KLHL40: variants seen among roughly 807,000 people sequenced by gnomAD.
KLHL40 encodes kelch like family member 40, also known as kelch-like protein 40.
Under a neutral mutation model 49.7 loss-of-function variants are expected in KLHL40, and 44 were observed. The observed-to-expected ratio is 0.89, with a 90% CI of 0.70 to 1.14. The LOEUF (loss-of-function observed/expected upper bound fraction) is 1.14, where lower values mean the gene tolerates loss of function less well. Among genes scored for constraint, KLHL40 ranks in the 50% most tolerant of loss-of-function variants. The pLI is 0.00. For synonymous variants in KLHL40, 409 were observed against 365.2 expected (o/e 1.12, Z -1.37); for missense variants, 892 against 850.3 (o/e 1.05, Z -0.61).
Position 42,692,097 on chromosome 3 carries a change from C to T in KLHL40, c.*104C>T. The T allele has an allele frequency of 1.4e-6, 1 of 730,138 alleles. No homozygotes were observed. The highest frequency in any genetic ancestry group is 2.5e-6 in the Non-Finnish European group (1 of 404,906). 45.2% of individuals were successfully genotyped at this position (730,138 alleles called of 1,614,324 possible). ...AGAGGCTAGGAGAGGCCAGAGTCTA[C>T]CTGGATCCAGTTATGGTGCCTCAGG... On this transcript the variant is annotated 3_prime_UTR_variant, in exon 6 of 6. Coordinates refer to ENST00000287777, the MANE Select transcript of KLHL40 (RefSeq NM_152393.4).
Position 42,688,017 on chromosome 3 carries a change from C to T in KLHL40, c.1153-125C>T. 3 of 1,087,012 alleles carry T rather than the reference C, an allele frequency of 2.8e-6. No individual in the cohort carries two copies. The highest frequency in any genetic ancestry group is 2.5e-5 in the East Asian group (1 of 40,108). 67.3% of individuals were successfully genotyped at this position (1,087,012 alleles called of 1,614,324 possible). A position where few individuals can be genotyped will look rare whatever the true frequency, so the allele number is the denominator to read the frequency against. On this transcript the variant is annotated intron_variant, in intron 1 of 5. Transcript: ENST00000287777. The surrounding 1 kb of genome is among the most constrained non-coding windows in gnomAD (Gnocchi z 4.2). ...AGGGGCACTGTTTCTCAGGGCACCTCCAGGCTGTATTGGCCCTACCTGGGT... is the reference window on the plus strand; with the variant it reads ...AGGGGCACTGTTTCTCAGGGCACCTTCAGGCTGTATTGGCCCTACCTGGGT...
Position 42,688,247 on chromosome 3 carries a change from A to G in KLHL40, c.1258A>G (p.Arg420Gly), listed in dbSNP as rs1026032043. The G allele has an allele frequency of 6.2e-7, 1 of 1,614,000 alleles. No homozygotes were observed. Among genetic ancestry groups the G allele is most frequent in the East Asian group, 2.2e-5 (1 of 44,864 alleles). Reference protein sequence around the residue: ...ALNSIYVVGGREIKDGERCLD... With the variant: ...ALNSIYVVGGGEIKDGERCLD... ...CAACTCCATCTACGTGGTCGGTGGC[A>G]GAGAGATCAAGGACGGCGAGCGCTG... is the stretch of plus-strand genomic sequence containing the variant. Residue 420 changes from arginine to glycine, a missense_variant, in exon 2 of 6, where the codon AGA becomes GGA. Arg to Gly is a moderately radical substitution (Grantham distance 125). Transcript: ENST00000287777. This position sits in a 1 kb window ranked among gnomAD's most constrained non-coding sequence, Gnocchi z 4.2.
intron 4 of KLHL40, among the ~76,000 whole-genome samples, chr3:42,690,339 G>A (rs747642088): frequency 1.1e-3 from 160 of 152,336 alleles, no homozygotes; most frequent in African/African-American, 1.1e-3. Context: ...ACCTCAGTGC[G>A]TGTGCAGTGA....
Position 42,688,914 on chromosome 3 carries a change from G to A in KLHL40, c.1467G>A (p.Glu489=), listed in dbSNP as rs145033040. 2.5e-6 allele frequency: 4 copies of A among 1,614,070 alleles called. No individual in the cohort carries two copies. In the African/African-American group the frequency reaches 5.3e-5, roughly 22 times the overall value. ...GCGTCTATGACCCCAAGAAGTTTGAGTGGAAGGAGCTGGCACCCATGCAGA... is the reference window on the plus strand; with the variant it reads ...GCGTCTATGACCCCAAGAAGTTTGAATGGAAGGAGCTGGCACCCATGCAGA... ...KMCVYDPKKF[E]WKELAPMQTA... is the part of the protein sequence containing the mutation. Residue 489 remains glutamate (E), a synonymous_variant, in exon 4 of 6, where the codon GAG becomes GAA. Coordinates refer to ENST00000287777, the MANE Select transcript of KLHL40 (RefSeq NM_152393.4). This position sits in a 1 kb window ranked among gnomAD's most constrained non-coding sequence, Gnocchi z 4.2.
chr3:42,692,196 T>G lies in KLHL40; in HGVS notation c.*203T>G. 1.8e-6 allele frequency: 1 copy of G among 563,778 alleles called. No homozygotes were observed. The allele number at this position is 563,778 out of a possible 1,614,324, so 34.9% of individuals were successfully genotyped here. On this transcript the variant is annotated 3_prime_UTR_variant, in exon 6 of 6. Transcript: ENST00000287777. ...GGGCAAGGGTGAGAAACTAGAGGCTTCTCCAGTGTTGCCATATCCCCCTAG... is the reference window on the plus strand; with the variant it reads ...GGGCAAGGGTGAGAAACTAGAGGCTGCTCCAGTGTTGCCATATCCCCCTAG...
chr3:42,685,718 G>A lies in KLHL40; in HGVS notation c.100G>A (p.Asp34Asn), dbSNP rs778565563. The change falls in exon 1 of 6, where the codon GAC (aspartate) becomes AAC (asparagine). Residue 34 changes from aspartate to asparagine, a missense_variant. By Grantham distance (23) the Asp-to-Asn change is conservative (BLOSUM62 1). Coordinates refer to ENST00000287777, the MANE Select transcript of KLHL40 (RefSeq NM_152393.4). ...KDMLDHGKFLDCVVRAGEREF... is the reference protein window; with the variant it reads ...KDMLDHGKFLNCVVRAGEREF... The stretch of plus-strand genomic sequence containing the variant: ...CATGCTGGACCATGGCAAGTTCCTC[G>A]ACTGTGTGGTGCGGGCGGGCGAGCG... 6.2e-7 allele frequency: 1 copy of A among 1,613,164 alleles called. No individual in the cohort carries two copies. Among genetic ancestry groups the A allele is most frequent in the South Asian group, 1.1e-5 (1 of 91,076 alleles).
rs1018524721 is a variant in KLHL40 at position 42,690,885 on chromosome 3, A to T, written c.1634A>T (p.Gln545Leu). The T allele has an allele frequency of 1.9e-6, 3 of 1,612,434 alleles. No individual in the cohort carries two copies. Among genetic ancestry groups the T allele is most frequent in the Non-Finnish European group, 2.5e-6 (3 of 1,179,204 alleles). The change falls in exon 5 of 6, where the codon CAG becomes CTG. Residue 545 changes from glutamine (Q) to leucine (L), a missense_variant. Gln to Leu is a moderately radical substitution (Grantham distance 113). Transcript: ENST00000287777. Reference protein sequence around the residue: ...NKWAPFEAFPQERSSLSLVSL... With the variant: ...NKWAPFEAFPLERSSLSLVSL... The stretch of plus-strand genomic sequence containing the variant: ...TGGGCACCCTTCGAGGCCTTCCCAC[A>T]GGAGCGTAGCTCACTCAGCCTGGTC...
In KLHL40 at chr3:42,685,579, A is replaced by G; in HGVS notation, c.-40A>G. 2 of 1,521,610 alleles carry G rather than the reference A, an allele frequency of 1.3e-6. No homozygotes were observed. The highest frequency in any genetic ancestry group is 2.5e-5 in the South Asian group (2 of 78,698). The allele number at this position is 1,521,610 out of a possible 1,614,324, so 94.3% of individuals were successfully genotyped here. A position where few individuals can be genotyped will look rare whatever the true frequency, so the allele number is the denominator to read the frequency against. ...GCAGGAAAGCAGGGGTACAGAGAGG[A>G]GCCCCCTTGGCACCGCCACCGCACC... On this transcript the variant is annotated 5_prime_UTR_variant, in exon 1 of 6. Coordinates refer to ENST00000287777, the MANE Select transcript of KLHL40 (RefSeq NM_152393.4).
At chr3:42,691,604 G>C (rs866292702) in intron 5 of KLHL40, among the ~76,000 whole-genome samples, 12 of 152,076 alleles carry the variant, frequency 7.9e-5, no homozygotes, top group African/African-American at 2.4e-4. Context: ...GGTGGTGTGG[G>C]CAGTGTAGAC....
intron 5 of KLHL40, 96 bp from the exon 6 acceptor site, chr3:42,691,786 G>A: frequency 3.9e-6 from 3 of 778,778 alleles, no homozygotes; most frequent in South Asian, 2.9e-5. Flanking sequence ...CCTAGAGATG[G>A]GCCAAGTGCC....
intron 4 of KLHL40, 97 bp downstream of exon 4, chr3:42,689,151 G>A (rs1377462497): frequency 2.8e-6 from 3 of 1,058,846 alleles, no homozygotes; most frequent in Non-Finnish European, 4.1e-6. Context: ...GGTCTCCAGT[G>A]TTGACTTTGG....
Position 42,688,101 on chromosome 3 carries a change from G to A in KLHL40, c.1153-41G>A. On this transcript the variant is annotated intron_variant, in intron 1 of 5. Transcript: ENST00000287777. This position sits in a 1 kb window ranked among gnomAD's most constrained non-coding sequence, Gnocchi z 4.2. ...CTGAGTGGGGCTGGGCTGAGGCTGGGGGAGTGGGGGGCGGTAGCTGACTGG... is the reference window on the plus strand; with the variant it reads ...CTGAGTGGGGCTGGGCTGAGGCTGGAGGAGTGGGGGGCGGTAGCTGACTGG... 1 of 1,612,922 alleles carries A rather than the reference G, an allele frequency of 6.2e-7. No homozygotes were observed. Among genetic ancestry groups the A allele is most frequent in the Non-Finnish European group, 8.5e-7 (1 of 1,179,618 alleles).
chr3:42,686,210 G>A lies in KLHL40; in HGVS notation c.592G>A (p.Val198Met). 6.4e-7 allele frequency: 1 copy of A among 1,566,770 alleles called. No homozygotes were observed. The highest frequency in any genetic ancestry group is 8.6e-7 in the Non-Finnish European group (1 of 1,159,426). The change falls in exon 1 of 6, where the codon GTG (valine) becomes ATG (methionine). Residue 198 changes from valine to methionine, a missense_variant. Transcript: ENST00000287777. ...VEKEEAVFEA[V>M]MRWAGSGDAE... is the part of the protein sequence containing the mutation. ...GAAGGAGGAGGCAGTGTTCGAGGCG[G>A]TGATGCGGTGGGCGGGTAGCGGCGA... is the stretch of plus-strand genomic sequence containing the variant.
chr3:42,689,170 A>G lies in KLHL40; in HGVS notation c.1607+116A>G, dbSNP rs980066369. ...TCCAGTGTTGACTTTGGACATCAGTATAGAAATAGGCTTTCTCTCCTGATC... is the reference window on the plus strand; with the variant it reads ...TCCAGTGTTGACTTTGGACATCAGTGTAGAAATAGGCTTTCTCTCCTGATC... On this transcript the variant is annotated intron_variant, in intron 4 of 5. Transcript: ENST00000287777. 5 of 888,682 alleles carry G rather than the reference A, an allele frequency of 5.6e-6. No homozygotes were observed. In the African/African-American group the frequency reaches 6.8e-5, roughly 12 times the overall value. The allele number at this position is 888,682 out of a possible 1,614,324, so 55.0% of individuals were successfully genotyped here.
In KLHL40 at chr3:42,689,033, T is replaced by C. The variant is rs374599890; in HGVS notation, c.1586T>C (p.Val529Ala). ...ACAGGGCTGACCAGTTCTGCCGAAG[T>C]GTACAGCATCACAGACAACAAGTAT... The part of the protein sequence containing the change: ...TDTGLTSSAE[V>A]YSITDNKWAP... The change falls in exon 4 of 6, where the codon GTG (valine) becomes GCG (alanine). Residue 529 changes from valine (V) to alanine (A), a missense_variant. By Grantham distance (64) the Val-to-Ala change is moderately conservative (BLOSUM62 0). Transcript: ENST00000287777. 20 of 1,613,234 alleles carry C rather than the reference T, an allele frequency of 1.2e-5. No individual in the cohort carries two copies. In the South Asian group the frequency reaches 2.0e-4, roughly 16 times the overall value.
rs770288085 is a variant in KLHL40 at position 42,688,178 on chromosome 3, C to G, written c.1189C>G (p.Pro397Ala). ...HLDSEWLGMP[P>A]LPSPRCLFGL... ...GGACTCAGAGTGGCTGGGGATGCCA[C>G]CGCTGCCCTCGCCCCGCTGCCTCTT... Residue 397 changes from proline (P) to alanine (A), a missense_variant, in exon 2 of 6, where the codon CCG becomes GCG. Pro to Ala is a conservative substitution (Grantham distance 27). Transcript: ENST00000287777. The surrounding 1 kb of genome is among the most constrained non-coding windows in gnomAD (Gnocchi z 4.2). The G allele has an allele frequency of 3.1e-6, 5 of 1,613,638 alleles. No homozygotes were observed. In the Admixed American group the frequency reaches 5.0e-5, roughly 16 times the overall value.
chr3:42,688,314 T>A lies in KLHL40; in HGVS notation c.1313+12T>A. 2 of 1,612,266 alleles carry A rather than the reference T, an allele frequency of 1.2e-6. No individual in the cohort carries two copies. Among genetic ancestry groups the A allele is most frequent in the Non-Finnish European group, 1.7e-6 (2 of 1,179,610 alleles). On this transcript the variant is annotated intron_variant, in intron 2 of 5. Transcript: ENST00000287777. The surrounding 1 kb of genome is among the most constrained non-coding windows in gnomAD (Gnocchi z 4.2). ...TGCTACGACAGGCTGTGAGCATGGC[T>A]GGGGTGGGGCTGAGCTCCGTGGGGG... is the stretch of plus-strand genomic sequence containing the variant.
chr3:42,690,554 G>A (rs1697347032), intron 4 of KLHL40, among the ~76,000 whole-genome samples: 1 of 152,176 alleles, frequency 6.6e-6, no homozygotes, highest in Non-Finnish European at 1.5e-5. Flanking sequence ...TAGGGGCTGG[G>A]GTTGTGAGTT....
Position 42,686,240 on chromosome 3 carries a change from G to A in KLHL40, c.622G>A (p.Glu208Lys), listed in dbSNP as rs1575218663. 1 of 1,554,306 alleles carries A rather than the reference G, an allele frequency of 6.4e-7. No homozygotes were observed. The highest frequency in any genetic ancestry group is 8.7e-7 in the Non-Finnish European group (1 of 1,151,280). ...VMRWAGSGDA[E>K]AQAERQRALP... ...GCGGTGGGCGGGTAGCGGCGACGCC[G>A]AGGCGCAGGCTGAGCGCCAGCGCGC... Residue 208 changes from glutamate (E) to lysine (K), a missense_variant, in exon 1 of 6, where the codon GAG (glutamate) becomes AAG (lysine). Coordinates refer to ENST00000287777, the MANE Select transcript of KLHL40 (RefSeq NM_152393.4).
Sources: gnomAD v4.1 joint callset for allele counts (sites outside exome capture counted in the v4.1 genomes callset) on GRCh38, gnomAD v4.1.1 for gene constraint, Gnocchi (gnomAD v3.1) non-coding constraint, MANE v1.5 for transcripts, NCBI Gene and HGNC (gene_info 2026-07-23, HGNC 2026-07-21) for gene names.